The following CNKSR2 variants were observed in gnomAD, a reference collection of about 807,000 sequenced individuals.
The protein encoded by CNKSR2 is connector enhancer of kinase suppressor of Ras 2.
Under a neutral mutation model 84.4 loss-of-function variants are expected in CNKSR2, and 14 were observed. That is an observed-to-expected ratio of 0.17 (90% CI 0.11 to 0.26). The LOEUF (loss-of-function observed/expected upper bound fraction) is 0.26, where lower values mean the gene tolerates loss of function less well. Among genes scored for constraint, CNKSR2 ranks in the 10% least tolerant of loss-of-function variants. The pLI, the probability that CNKSR2 is intolerant of heterozygous loss-of-function variation, is 1.00. For missense variants in CNKSR2, 485 were observed against 771.2 expected, an observed-to-expected ratio of 0.63 and a Z score of 4.40; for synonymous variants, 275 against 277.9, an observed-to-expected ratio of 0.99 and a Z score of 0.10.
chrX:21,650,936 C>T (rs1487662955), intron 21 of CNKSR2, among the ~76,000 whole-genome samples: 1 of 111,608 alleles, frequency 9.0e-6, no homozygotes, highest in Non-Finnish European at 1.9e-5. Context: ...TATCATCACC[C>T]TCCCACCTTA....
intron 1 of CNKSR2, among the ~76,000 whole-genome samples, chrX:21,399,759 A>G (rs1209086342): frequency 9.0e-6 from 1 of 111,610 alleles, no homozygotes; most frequent in Non-Finnish European, 1.9e-5. Flanking sequence ...TACCACCAGC[A>G]TACATCGTCA....
chrX:21,517,152 A>G (rs1390736719), intron 9 of CNKSR2, among the ~76,000 whole-genome samples: 2 of 111,230 alleles, frequency 1.8e-5, no homozygotes, highest in Admixed American at 1.9e-4. Flanking sequence ...TAGGAGGCTG[A>G]GGTGGGTGGA....
At position 21,625,678 on chromosome X, in the gene CNKSR2, C is replaced by T. The variant is rs5904573; in HGVS notation, c.2692+16061C>T. On this transcript the variant is annotated intron_variant, in intron 20 of 21. Coordinates refer to ENST00000379510, the MANE Select transcript of CNKSR2 (RefSeq NM_014927.5). The stretch of plus-strand genomic sequence containing the variant: ...CTATCATTTCATATAAGGCCAAAAT[C>T]ATTTTTCCTTGACATAGCAAGCAGT... 9.8e-3 allele frequency among the ~76,000 whole-genome samples: 1,096 copies of T among 111,880 alleles called. 1 individual carries two copies. Among genetic ancestry groups the T allele is most frequent in the Middle Eastern group, 0.023 (5 of 217 alleles).
chrX:21,640,295 G>T (rs1248330135), intron 20 of CNKSR2, among the ~76,000 whole-genome samples: 9 of 111,747 alleles, frequency 8.1e-5, no homozygotes. Flanking sequence ...ACTTAGAAAT[G>T]ACCTTGTGCC....
At chrX:21,565,515 A>G (rs1240055875) in intron 13 of CNKSR2, among the ~76,000 whole-genome samples, 2 of 111,651 alleles carry the variant, frequency 1.8e-5, no homozygotes, top group East Asian at 5.6e-4. Context: ...TCCTGTTTTT[A>G]TTATATGTCT....
At chrX:21,384,203 G>A (rs1247316973) in intron 1 of CNKSR2, among the ~76,000 whole-genome samples, 1 of 111,560 alleles carries the variant, frequency 9.0e-6, no homozygotes, top group African/African-American at 3.3e-5. Flanking sequence ...TGGAACTTAC[G>A]TAGAAACCAA....
chrX:21,420,257 C>T (rs1013284931), intron 1 of CNKSR2, among the ~76,000 whole-genome samples: 10 of 112,438 alleles, frequency 8.9e-5, no homozygotes, highest in East Asian at 2.8e-4. Flanking sequence ...CAGCTTGTAG[C>T]GAATGCTGCC....
chrX:21,483,068 C>T (rs1203431513), intron 5 of CNKSR2, among the ~76,000 whole-genome samples: 1 of 111,273 alleles, frequency 9.0e-6, no homozygotes, highest in African/African-American at 3.3e-5. Context: ...AGTTTTTCTC[C>T]TTCAATTCTC....
intron 1 of CNKSR2, chrX:21,424,743 A>G (rs2090543190): frequency 8.9e-6 from 1 of 111,947 alleles, no homozygotes; most frequent in Admixed American, 9.5e-5. Context: ...TGTCTGACAA[A>G]TAATTCCTTC....
intron 13 of CNKSR2, among the ~76,000 whole-genome samples, chrX:21,584,806 C>T (rs1351727953): frequency 2.7e-5 from 3 of 110,935 alleles, no homozygotes; most frequent in Non-Finnish European, 5.7e-5. Flanking sequence ...TAACAGGGGA[C>T]CAGATCATGT....
At chrX:21,593,104 A>G (rs1027898732) in intron 15 of CNKSR2, 3 of 111,197 alleles carry the variant, frequency 2.7e-5, no homozygotes, top group Non-Finnish European at 5.7e-5. Flanking sequence ...GAGAAATGTA[A>G]AAATCCCTCA....
intron 4 of CNKSR2, chrX:21,468,452 T>C (rs1265240426): frequency 2.7e-5 from 3 of 111,281 alleles, no homozygotes; most frequent in Non-Finnish European, 1.9e-5. Flanking sequence ...TCTCTTCATG[T>C]TGAGTCCTGA....
chrX:21,465,144 A>T (rs185133897), intron 4 of CNKSR2, among the ~76,000 whole-genome samples: 354 of 112,144 alleles, frequency 3.2e-3, no homozygotes, highest in Non-Finnish European at 5.1e-3. Context: ...TTAATCCAGG[A>T]TTATCAGAAT....
intron 4 of CNKSR2, among the ~76,000 whole-genome samples, chrX:21,456,676 G>A (rs1332739348): frequency 9.0e-6 from 1 of 111,521 alleles, no homozygotes; most frequent in Non-Finnish European, 1.9e-5. Context: ...ATGCTGCAAT[G>A]GGAAACCAGA....
In CNKSR2 at chrX:21,531,896, C is replaced by T. The variant is rs1296061724; in HGVS notation, c.1132C>T (p.His378Tyr). The T allele has an allele frequency of 8.3e-7, 1 of 1,205,128 alleles. No homozygotes were observed. The highest frequency in any genetic ancestry group is 2.2e-5 in the Admixed American group (1 of 45,425). ...GNLPCEDLRG[H>Y]MVGKPVHKGS... The stretch of plus-strand genomic sequence containing the variant: ...CCTTCCTTGTGAAGACCTCAGAGGA[C>T]ATATGGTGGGCAAGCCAGTGCATAA... Residue 378 changes from histidine to tyrosine, a missense_variant, in exon 11 of 22, where the codon CAT becomes TAT. Coordinates refer to ENST00000379510, the MANE Select transcript of CNKSR2 (RefSeq NM_014927.5).
Position 21,609,414 on chromosome X carries a change from A to G in CNKSR2, c.2489A>G (p.Glu830Gly), listed in dbSNP as rs768009976. ...HYGPYPLAESERMQVLNGNGG... is the reference protein window; with the variant it reads ...HYGPYPLAESGRMQVLNGNGG... ...GGGCCATACCCCTTAGCTGAGAGTGAGAGGATGCAAGTGCTAAATGGAAAT... is the reference window on the plus strand; with the variant it reads ...GGGCCATACCCCTTAGCTGAGAGTGGGAGGATGCAAGTGCTAAATGGAAAT... Residue 830 changes from glutamate (E) to glycine (G), a missense_variant, in exon 20 of 22, where the codon GAG (glutamate) becomes GGG (glycine). Glu to Gly is a moderately conservative substitution (Grantham distance 98). This residue lies in a region of CNKSR2 where 210 missense variants were observed against 291.5 expected (regional missense o/e 0.72). Transcript: ENST00000379510. The G allele has an allele frequency of 3.3e-6, 4 of 1,211,296 alleles. No homozygotes were observed. Among genetic ancestry groups the G allele is most frequent in the East Asian group, 5.9e-5 (2 of 33,798 alleles).
At chrX:21,586,831 G>A (rs780458210) in intron 13 of CNKSR2, among the ~76,000 whole-genome samples, 1 of 111,467 alleles carries the variant, frequency 9.0e-6, no homozygotes. Flanking sequence ...GAAATTGGAA[G>A]ACAGTAAAAT....
chrX:21,576,861 A>G (rs754451082), intron 13 of CNKSR2, among the ~76,000 whole-genome samples: 17 of 111,703 alleles, frequency 1.5e-4, no homozygotes, highest in Non-Finnish European at 3.0e-4. Context: ...AATTTCCAAA[A>G]TATCAATACA....
chrX:21,414,731 T>C (rs1370838100), intron 1 of CNKSR2, among the ~76,000 whole-genome samples: 2 of 111,924 alleles, frequency 1.8e-5, no homozygotes, highest in African/African-American at 3.2e-5. Flanking sequence ...ATTTTGTATA[T>C]AGCAGGAGAT....
Sources: gnomAD v4.1 joint callset for allele counts (sites outside exome capture counted in the v4.1 genomes callset) on GRCh38, gnomAD v4.1.1 for gene constraint, gnomAD v4.1.1 regional missense constraint, MANE v1.5 for transcripts, NCBI Gene and HGNC (gene_info 2026-07-23, HGNC 2026-07-21) for gene names.